Variants in TEAD2 observed in about 807,000 individuals in gnomAD.
TEAD2 encodes transcriptional enhancer factor TEF-4.
A neutral mutation model predicts 61.4 loss-of-function variants in TEAD2; 51 were observed. The observed-to-expected ratio is 0.83, with a 90% CI of 0.66 to 1.05. The LOEUF is 1.05. TEAD2 is among the 50% of genes least tolerant of loss of function. The pLI is 0.00. For missense variants in TEAD2, 509 were observed against 600.0 expected (o/e 0.85, Z 1.58); for synonymous variants, 244 against 243.2 (o/e 1.00, Z -0.03).
At position 49,341,111 on chromosome 19, in the gene TEAD2, G is replaced by C. The variant is rs909628722; in HGVS notation, c.*213C>G. On this transcript the variant is annotated 3_prime_UTR_variant, in exon 13 of 13. Transcript: ENST00000593945. The surrounding 1 kb of genome is among the most constrained non-coding windows in gnomAD (Gnocchi z 4.2). ...CACCCACTGTGAGGTCCCAATATCG[G>C]GGTTTATCCTTTCCTCAGTCCCAGC... The C allele has an allele frequency of 1.9e-6, 1 of 538,388 alleles. No homozygotes were observed. Among genetic ancestry groups the C allele is most frequent in the East Asian group, 3.1e-5 (1 of 31,822 alleles). 33.4% of individuals were successfully genotyped at this position (538,388 alleles called of 1,614,324 possible).
chr19:49,345,372 CG>C (rs1429639953), intron 10 of TEAD2, among the ~76,000 whole-genome samples: 3 of 151,150 alleles, frequency 2.0e-5, no homozygotes, highest in Non-Finnish European at 4.4e-5. Flanking sequence ...TTCTTTCTTT[CG>C]GCAGGGTCTC....
At chr19:49,355,461 G>A (rs757160482) in intron 5 of TEAD2, 42 bp from the exon 6 acceptor site, 14 of 1,537,532 alleles carry the variant, frequency 9.1e-6, no homozygotes, top group African/African-American at 1.4e-5. Context: ...GGGCATCTCA[G>A]TCAACATGGC....
At chr19:49,356,501 A>G (rs374462399) in intron 4 of TEAD2, among the ~76,000 whole-genome samples, 7 of 152,120 alleles carry the variant, frequency 4.6e-5, no homozygotes, top group East Asian at 1.9e-4. Context: ...GGAACCAGGA[A>G]ATCCAAAGGA....
intron 7 of TEAD2, among the ~76,000 whole-genome samples, chr19:49,354,510 G>GAA (rs60213376): frequency 1.7e-5 from 2 of 119,940 alleles, no homozygotes; most frequent in Non-Finnish European, 1.8e-5. Flanking sequence ...TATAAAAAAA[G>GAA]AAAAAAAAAA....
At chr19:49,344,461 A>G (rs1246686004) in intron 10 of TEAD2, among the ~76,000 whole-genome samples, 6 of 151,356 alleles carry the variant, frequency 4.0e-5, no homozygotes, top group African/African-American at 1.5e-4. Flanking sequence ...TTGTATTTTT[A>G]GTAGAGACAG....
chr19:49,342,180 A>G (rs1374745894), intron 12 of TEAD2, among the ~76,000 whole-genome samples: 1 of 151,842 alleles, frequency 6.6e-6, no homozygotes, highest in Admixed American at 6.6e-5. Context: ...CGACAGAGCG[A>G]GACTCCATCT....
In TEAD2 at chr19:49,341,210, G is replaced by A; in HGVS notation, c.*114C>T. The stretch of plus-strand genomic sequence containing the variant: ...TGGCCCCAGTTGCTTAGGCCTCTGA[G>A]GTCAACCCCTTTACATCACAGCCCT... On this transcript the variant is annotated 3_prime_UTR_variant, in exon 13 of 13. Transcript: ENST00000593945. This position sits in a 1 kb window ranked among gnomAD's most constrained non-coding sequence, Gnocchi z 4.2. 2.1e-6 allele frequency: 2 copies of A among 952,984 alleles called. No homozygotes were observed. Among genetic ancestry groups the A allele is most frequent in the Non-Finnish European group, 3.2e-6 (2 of 615,512 alleles). The allele number at this position is 952,984 out of a possible 1,614,324, so 59.0% of individuals were successfully genotyped here.
intron 8 of TEAD2, among the ~76,000 whole-genome samples, chr19:49,350,277 T>C (rs1971927222): frequency 6.6e-6 from 1 of 152,212 alleles, no homozygotes. Flanking sequence ...TGTCAGTTAC[T>C]GGAACCAATA....
In TEAD2 at chr19:49,340,750, T is replaced by C; in HGVS notation, c.*574A>G. Reference sequence around the variant, plus strand: ...TGCAGCGGAGATAAAGTCAAGACCCTAGCACCCACTTATAAATATCTCGTT... The same window carrying C: ...TGCAGCGGAGATAAAGTCAAGACCCCAGCACCCACTTATAAATATCTCGTT... On this transcript the variant is annotated 3_prime_UTR_variant, in exon 13 of 13. Coordinates refer to ENST00000593945, the MANE Select transcript of TEAD2 (RefSeq NM_001256660.2). 1 of 257,446 alleles carries C rather than the reference T, an allele frequency of 3.9e-6. No individual in the cohort carries two copies. 15.9% of individuals were successfully genotyped at this position (257,446 alleles called of 1,614,324 possible).
chr19:49,354,841 T>C (rs1448933971), intron 7 of TEAD2, among the ~76,000 whole-genome samples: 2 of 151,708 alleles, frequency 1.3e-5, no homozygotes, highest in Admixed American at 6.6e-5. Context: ...CTACTAAAAA[T>C]ACAAAAATTA....
Position 49,340,672 on chromosome 19 carries a change from C to A in TEAD2, c.*652G>T. ...AGAGGGGAGGAAGGAAACCGTCTAG[C>A]TCAGGGCTCACTTAGGAGAGGGATG... On this transcript the variant is annotated 3_prime_UTR_variant, in exon 13 of 13. Transcript: ENST00000593945. 1 of 457,742 alleles carries A rather than the reference C, an allele frequency of 2.2e-6. No individual in the cohort carries two copies. The highest frequency in any genetic ancestry group is 4.0e-6 in the Non-Finnish European group (1 of 248,170). 28.4% of individuals were successfully genotyped at this position (457,742 alleles called of 1,614,324 possible).
rs184328635 is a variant in TEAD2 at position 49,353,718 on chromosome 19, A to G, written c.539+1430T>C. Among the ~76,000 whole-genome samples, 113 of 148,716 alleles carry G rather than the reference A, an allele frequency of 7.6e-4. No homozygotes were observed. The East Asian group carries it at 0.021, about 28-fold the overall frequency. On this transcript the variant is annotated intron_variant, in intron 7 of 12. Transcript: ENST00000593945. ...TCTGATGCTTCCCGTATCCCCATTC[A>G]GCAGCAGCTCCCCAGTGACCTTCCT...
At position 49,341,180 on chromosome 19, in the gene TEAD2, G is replaced by A. The variant is rs375210750; in HGVS notation, c.*144C>T. On this transcript the variant is annotated 3_prime_UTR_variant, in exon 13 of 13. Coordinates refer to ENST00000593945, the MANE Select transcript of TEAD2 (RefSeq NM_001256660.2). The surrounding 1 kb of genome is among the most constrained non-coding windows in gnomAD (Gnocchi z 4.2). ...AAGTTTTGGGGGCCCCTCTAATGGGGGGGATGGCCCCAGTTGCTTAGGCCT... is the reference window on the plus strand; with the variant it reads ...AAGTTTTGGGGGCCCCTCTAATGGGAGGGATGGCCCCAGTTGCTTAGGCCT... 1.2e-4 allele frequency: 81 copies of A among 695,544 alleles called. 2 individuals are homozygous for A. Among genetic ancestry groups the A allele is most frequent in the East Asian group, 6.0e-4 (22 of 36,714 alleles). 43.1% of individuals were successfully genotyped at this position (695,544 alleles called of 1,614,324 possible). A position where few individuals can be genotyped will look rare whatever the true frequency, so the allele number is the denominator to read the frequency against.
At chr19:49,349,585 C>T (rs1971880135) in intron 8 of TEAD2, among the ~76,000 whole-genome samples, 1 of 151,950 alleles carries the variant, frequency 6.6e-6, no homozygotes, top group African/African-American at 2.4e-5. Flanking sequence ...CAAGTGAATT[C>T]TCACTCTTTG....
chr19:49,356,815 C>T (rs1262406069), intron 4 of TEAD2, among the ~76,000 whole-genome samples: 1 of 152,106 alleles, frequency 6.6e-6, no homozygotes, highest in Non-Finnish European at 1.5e-5. Context: ...TGCCCAGGGT[C>T]TCAGCAACCG....
rs989303699 is a variant in TEAD2 at position 49,351,384 on chromosome 19, C to T, written c.540-19G>A. On this transcript the variant is annotated intron_variant, in intron 7 of 12. Coordinates refer to ENST00000593945, the MANE Select transcript of TEAD2 (RefSeq NM_001256660.2). ...CTTCACACTGAGGGAAAAAGGAAGCCAGGGGTTAGCCAGGTAGAAAGATGC... is the reference window on the plus strand; with the variant it reads ...CTTCACACTGAGGGAAAAAGGAAGCTAGGGGTTAGCCAGGTAGAAAGATGC... The T allele has an allele frequency of 3.1e-6, 5 of 1,601,776 alleles. No homozygotes were observed. The African/African-American group carries it at 5.4e-5, about 17-fold the overall frequency.
chr19:49,357,549 C>G (rs1972490583), intron 3 of TEAD2: 1 of 587,708 alleles, frequency 1.7e-6, no homozygotes, highest in African/African-American at 1.9e-5. Flanking sequence ...CTCCACCATG[C>G]TCTCTCTGTG....
At chr19:49,342,722 C>A in intron 11 of TEAD2, 132 bp from the exon 12 acceptor site, 1 of 1,136,808 alleles carries the variant, frequency 8.8e-7, no homozygotes, top group East Asian at 2.5e-5. Flanking sequence ...TTTCATCACC[C>A]CACCCACAGT....
chr19:49,357,373 C>T (rs988707133), intron 3 of TEAD2, 59 bp from the exon 4 acceptor site: 2 of 1,537,720 alleles, frequency 1.3e-6, no homozygotes, highest in African/African-American at 1.4e-5. Context: ...GTGTTCACTA[C>T]CCCTTCTCTC....
Sources: gnomAD v4.1 joint callset for allele counts (sites outside exome capture counted in the v4.1 genomes callset) on GRCh38, gnomAD v4.1.1 for gene constraint, Gnocchi (gnomAD v3.1) non-coding constraint, MANE v1.5 for transcripts, NCBI Gene and HGNC (gene_info 2026-07-23, HGNC 2026-07-21) for gene names.